The following MICU1 variants were observed in gnomAD, a reference collection of about 807,000 sequenced individuals.
MICU1 encodes the protein mitochondrial calcium uptake 1, also known as calcium uptake protein 1, mitochondrial.
MICU1 carries 45 observed loss-of-function variants against 56.8 expected under a neutral mutation model. The observed-to-expected ratio is 0.79, with a 90% CI of 0.62 to 1.02. The LOEUF (loss-of-function observed/expected upper bound fraction) is 1.02, where lower values mean the gene tolerates loss of function less well. MICU1 is among the 50% of genes least tolerant of loss of function. MICU1 has a pLI of 0.00. For missense variants in MICU1, 504 were observed against 587.1 expected (o/e 0.86, Z 1.46); for synonymous variants, 186 against 195.1 (o/e 0.95, Z 0.39).
At chr10:72,430,776 T>C (rs1589212446) in intron 8 of MICU1, among the ~76,000 whole-genome samples, 1 of 152,244 alleles carries the variant, frequency 6.6e-6, no homozygotes, top group Non-Finnish European at 1.5e-5. Flanking sequence ...GGCAGGCTGG[T>C]CATGAACTCC....
intron 8 of MICU1, among the ~76,000 whole-genome samples, chr10:72,446,202 A>C (rs1865098089): frequency 6.6e-6 from 1 of 152,218 alleles, no homozygotes; most frequent in Admixed American, 6.5e-5. Context: ...CATGATTCAG[A>C]GTCAAAAAAA....
intron 1 of MICU1, among the ~76,000 whole-genome samples, chr10:72,586,235 C>T (rs1841056224): frequency 6.6e-6 from 1 of 151,756 alleles, no homozygotes; most frequent in South Asian, 2.1e-4. Context: ...TAGTCTCGAA[C>T]TCCTGAGCTC....
intron 5 of MICU1, among the ~76,000 whole-genome samples, chr10:72,524,517 T>A (rs1016760365): frequency 6.6e-6 from 1 of 152,218 alleles, no homozygotes; most frequent in Non-Finnish European, 1.5e-5. Flanking sequence ...AAAACTTCCT[T>A]TTAAATCATG....
At chr10:72,394,462 C>T (rs774100425) in intron 10 of MICU1, among the ~76,000 whole-genome samples, 30 of 151,766 alleles carry the variant, frequency 2.0e-4, no homozygotes, top group Non-Finnish European at 3.4e-4. Flanking sequence ...CCTGTCTTTA[C>T]TAAATATACA....
chr10:72,562,780 A>C (rs1840332240), intron 3 of MICU1, 115 bp downstream of exon 3: 2 of 924,926 alleles, frequency 2.2e-6, no homozygotes, highest in Non-Finnish European at 3.0e-6. Flanking sequence ...ATAGCAAAGA[A>C]GTGATAACTT....
chr10:72,622,537 T>C (rs906458768), intron 1 of MICU1, among the ~76,000 whole-genome samples: 7 of 152,178 alleles, frequency 4.6e-5, no homozygotes, highest in Admixed American at 2.0e-4. Context: ...GCTGGAACTG[T>C]AGAGAAAGGG....
At chr10:72,555,370 G>A (rs1840135017) in intron 3 of MICU1, among the ~76,000 whole-genome samples, 1 of 152,018 alleles carries the variant, frequency 6.6e-6, no homozygotes. Flanking sequence ...GAAAGGAAAA[G>A]TACATTGTTA....
At chr10:72,535,257 T>C (rs1839605187) in intron 4 of MICU1, among the ~76,000 whole-genome samples, 1 of 151,892 alleles carries the variant, frequency 6.6e-6, no homozygotes, top group Non-Finnish European at 1.5e-5. Context: ...AGGTCAGGTC[T>C]AGAACTCCTA....
At chr10:72,569,224 TATATA>T (rs1237033390) in intron 1 of MICU1, among the ~76,000 whole-genome samples, 16 of 46,380 alleles carry the variant, frequency 3.4e-4, no homozygotes, top group East Asian at 2.9e-3. Context: ...TATATATATA[TATATA>T]TATATATATT....
chr10:72,389,881 T>C (rs1342079541), intron 10 of MICU1, among the ~76,000 whole-genome samples: 1 of 152,218 alleles, frequency 6.6e-6, no homozygotes, highest in Non-Finnish European at 1.5e-5. Context: ...CATTACCTTC[T>C]TCAGCAGACC....
intron 6 of MICU1, among the ~76,000 whole-genome samples, chr10:72,490,982 G>A (rs779758247): frequency 6.6e-6 from 1 of 152,082 alleles, no homozygotes; most frequent in Non-Finnish European, 1.5e-5. Context: ...TTTCACTGAC[G>A]TTCCACCACT....
chr10:72,548,057 A>G (rs1839940150), intron 4 of MICU1, among the ~76,000 whole-genome samples: 1 of 152,214 alleles, frequency 6.6e-6, no homozygotes, highest in Non-Finnish European at 1.5e-5. Flanking sequence ...AAATGTGTGC[A>G]TGTGCCAACA....
chr10:72,486,761 G>A (rs763203200), intron 6 of MICU1, among the ~76,000 whole-genome samples: 20 of 152,146 alleles, frequency 1.3e-4, no homozygotes, highest in Non-Finnish European at 2.8e-4. Flanking sequence ...ATGAGCCACT[G>A]AGCACAGCCT....
intron 9 of MICU1, among the ~76,000 whole-genome samples, chr10:72,409,373 T>C (rs1435727458): frequency 6.6e-6 from 1 of 152,204 alleles, no homozygotes; most frequent in East Asian, 1.9e-4. Context: ...CAATTGTATG[T>C]TTCTCACCTT....
intron 5 of MICU1, among the ~76,000 whole-genome samples, chr10:72,514,252 T>G (rs1228796715): frequency 6.6e-6 from 1 of 152,214 alleles, no homozygotes. Context: ...ATCATCCTTT[T>G]AGCTACTTAA....
At chr10:72,530,314 C>T (rs1839440593) in intron 5 of MICU1, among the ~76,000 whole-genome samples, 1 of 122,980 alleles carries the variant, frequency 8.1e-6, no homozygotes, top group Non-Finnish European at 1.9e-5. Context: ...GCCTGGGTGA[C>T]AGGAGCGAAA....
intron 1 of MICU1, among the ~76,000 whole-genome samples, chr10:72,612,937 A>C (rs1841889404): frequency 6.6e-6 from 1 of 152,186 alleles, no homozygotes; most frequent in Non-Finnish European, 1.5e-5. Context: ...AGTATCTGTA[A>C]GACAAAATCC....
intron 8 of MICU1, among the ~76,000 whole-genome samples, chr10:72,453,952 C>CAACAAG (rs1332423623): frequency 6.6e-6 from 1 of 152,164 alleles, no homozygotes; most frequent in Admixed American, 6.5e-5. Flanking sequence ...TTTCTTGCCT[C>CAACAAG]AGCCTCCTGA....
intron 3 of MICU1, among the ~76,000 whole-genome samples, chr10:72,554,601 T>C (rs1840113721): frequency 6.6e-6 from 1 of 152,198 alleles, no homozygotes; most frequent in African/African-American, 2.4e-5. Flanking sequence ...TTAAACTATA[T>C]GTCTAGGAAT....
Sources: allele counts gnomAD v4.1 joint callset (sites outside exome capture counted in the v4.1 genomes callset), GRCh38; gene constraint gnomAD v4.1.1; transcripts MANE v1.5; gene names NCBI Gene and HGNC (gene_info 2026-07-23, HGNC 2026-07-21).